Variants in IFNAR1 observed in about 807,000 individuals in gnomAD.
The protein encoded by IFNAR1 is interferon alpha and beta receptor subunit 1.
IFNAR1 carries 47 observed loss-of-function variants against 62.1 expected under a neutral mutation model. The observed-to-expected ratio is 0.76, with a 90% CI of 0.60 to 0.97. The LOEUF (loss-of-function observed/expected upper bound fraction) is 0.97. Ranked by LOEUF, IFNAR1 falls within the 50% of genes least tolerant of loss-of-function variation. The pLI, the probability that IFNAR1 is intolerant of heterozygous loss-of-function variation, is 0.00. For synonymous variants in IFNAR1, 219 were observed against 226.9 expected (o/e 0.97, Z 0.31); for missense variants, 638 against 654.5 (o/e 0.97, Z 0.27).
intron 6 of IFNAR1, among the ~76,000 whole-genome samples, chr21:33,348,225 G>A (rs1302065896): frequency 1.3e-5 from 2 of 152,130 alleles, no homozygotes; most frequent in Admixed American, 6.5e-5. Flanking sequence ...GTATGCTGGC[G>A]CATGTTTAGC....
chr21:33,333,542 A>G (rs1601854402), intron 1 of IFNAR1, among the ~76,000 whole-genome samples: 1 of 152,254 alleles, frequency 6.6e-6, no homozygotes, highest in South Asian at 2.1e-4. Flanking sequence ...TGACAAATGT[A>G]AGGGCTCAAA....
chr21:33,358,914 A>G lies in IFNAR1; in HGVS notation c.*3365A>G, dbSNP rs1310379357. On this transcript the variant is annotated 3_prime_UTR_variant, in exon 11 of 11. Coordinates refer to ENST00000270139, the MANE Select transcript of IFNAR1 (RefSeq NM_000629.3). ...GGCCGTGATATTTGCAGCAGCCTCAAATTGCTCTTAAGGGGTTTAGGTGTG... is the reference window on the plus strand; with the variant it reads ...GGCCGTGATATTTGCAGCAGCCTCAGATTGCTCTTAAGGGGTTTAGGTGTG... The G allele has an allele frequency of 6.6e-6, 1 of 151,864 alleles. No homozygotes were observed. The highest frequency in any genetic ancestry group is 2.1e-4 in the South Asian group (1 of 4,816). The allele number at this position is 151,864 out of a possible 1,614,324, so 9.4% of individuals were successfully genotyped here. A position where few individuals can be genotyped will look rare whatever the true frequency, so the allele number is the denominator to read the frequency against.
At chr21:33,354,434 G>A (rs1311669289) in intron 10 of IFNAR1, among the ~76,000 whole-genome samples, 6 of 152,190 alleles carry the variant, frequency 3.9e-5, no homozygotes, top group Non-Finnish European at 8.8e-5. Flanking sequence ...TTGTCAGAAC[G>A]TAATTCCATT....
intron 1 of IFNAR1, among the ~76,000 whole-genome samples, chr21:33,329,741 C>T (rs1193289503): frequency 6.6e-6 from 1 of 152,130 alleles, no homozygotes; most frequent in Non-Finnish European, 1.5e-5. Context: ...TAAGGAGTTC[C>T]TGTGAATGCA....
At chr21:33,334,735 G>A in intron 1 of IFNAR1, 1 of 795,518 alleles carries the variant, frequency 1.3e-6, no homozygotes, top group Non-Finnish European at 2.2e-6. Flanking sequence ...TGATGCGCAG[G>A]GTGATCCAGG....
chr21:33,345,438 G>T, intron 6 of IFNAR1, 78 bp downstream of exon 6: 1 of 792,698 alleles, frequency 1.3e-6, no homozygotes, highest in Non-Finnish European at 2.2e-6. Context: ...CAGTCACCAG[G>T]TCCTTGCACA....
intron 1 of IFNAR1, among the ~76,000 whole-genome samples, chr21:33,332,823 A>G (rs1226061978): frequency 6.6e-6 from 1 of 152,256 alleles, no homozygotes; most frequent in East Asian, 1.9e-4. Context: ...ACTTAATTGT[A>G]GAAAAAACAA....
intron 10 of IFNAR1, 65 bp downstream of exon 10, chr21:33,353,848 A>T (rs1461058737): frequency 1.8e-6 from 2 of 1,085,416 alleles, no homozygotes; most frequent in Middle Eastern, 2.2e-4. Context: ...GTTTGATTTC[A>T]ACAGGATATA....
intron 1 of IFNAR1, among the ~76,000 whole-genome samples, chr21:33,333,697 C>T (rs942027833): frequency 8.8e-4 from 128 of 145,848 alleles, no homozygotes; most frequent in African/African-American, 3.2e-3. Flanking sequence ...GATCTCGGCT[C>T]ACTGCAAGCT....
At chr21:33,336,471 T>C (rs897209944) in intron 2 of IFNAR1, among the ~76,000 whole-genome samples, 4 of 149,308 alleles carry the variant, frequency 2.7e-5, no homozygotes, top group Non-Finnish European at 4.4e-5. Context: ...ATGGTATTTC[T>C]AGTTCTAGAT....
chr21:33,344,162 A>G (rs1361411772), intron 5 of IFNAR1, among the ~76,000 whole-genome samples: 3 of 87,284 alleles, frequency 3.4e-5, no homozygotes, highest in Non-Finnish European at 5.6e-5. Flanking sequence ...TCCGTCTTAG[A>G]AAAAAAAAAA....
In IFNAR1 at chr21:33,353,626, A is replaced by AT. The variant is rs1187776454; in HGVS notation, c.1295-11dup. 6.8e-7 allele frequency: 1 copy of AT among 1,481,030 alleles called. No individual in the cohort carries two copies. The highest frequency in any genetic ancestry group is 1.2e-5 in the South Asian group (1 of 81,448). The allele number at this position is 1,481,030 out of a possible 1,614,324, so 91.7% of individuals were successfully genotyped here. A position where few individuals can be genotyped will look rare whatever the true frequency, so the allele number is the denominator to read the frequency against. On this transcript the variant is annotated splice_polypyrimidine_tract_variant and intron_variant, in intron 9 of 10. Transcript: ENST00000270139. ...TCAAAATATATGCTAAATATCACGT[A>AT]TATCTTTTTAGGAAATACCTCTAAA... is the stretch of plus-strand genomic sequence containing the variant.
At chr21:33,345,000 C>T (rs545985658) in intron 5 of IFNAR1, among the ~76,000 whole-genome samples, 31 of 152,034 alleles carry the variant, frequency 2.0e-4, no homozygotes, top group African/African-American at 4.3e-4. Flanking sequence ...GTTGGCCAGG[C>T]GCGTCTCGAA....
chr21:33,346,158 A>G (rs960005720), intron 6 of IFNAR1, among the ~76,000 whole-genome samples: 2 of 152,346 alleles, frequency 1.3e-5, no homozygotes, highest in African/African-American at 4.8e-5. Context: ...TTGATTGGAA[A>G]ATTGTAGGAG....
chr21:33,338,911 T>C (rs1194903500), intron 2 of IFNAR1, among the ~76,000 whole-genome samples: 3 of 151,782 alleles, frequency 2.0e-5, no homozygotes, highest in African/African-American at 7.3e-5. Context: ...CCCGGCTAAT[T>C]TTGTATTTTT....
rs1323504987 is a variant in IFNAR1, at chr21:33,356,991, C to T, written c.*1442C>T. 2 of 152,104 alleles carry T rather than the reference C, an allele frequency of 1.3e-5. No individual in the cohort carries two copies. Among genetic ancestry groups the T allele is most frequent in the African/African-American group, 4.8e-5 (2 of 41,402 alleles). 9.4% of individuals were successfully genotyped at this position (152,104 alleles called of 1,614,324 possible). ...TGGCGTTAAAATACAAATCATTGAACTGAGGGGGAAAAATGTAACTAGGAA... is the reference window on the plus strand; with the variant it reads ...TGGCGTTAAAATACAAATCATTGAATTGAGGGGGAAAAATGTAACTAGGAA... On this transcript the variant is annotated 3_prime_UTR_variant, in exon 11 of 11. Transcript: ENST00000270139.
rs1429207214 is a variant in IFNAR1, at chr21:33,356,563, T to G, written c.*1014T>G. The G allele has an allele frequency of 6.6e-6, 1 of 152,218 alleles. No homozygotes were observed. Among genetic ancestry groups the G allele is most frequent in the Non-Finnish European group, 1.5e-5 (1 of 68,034 alleles). 9.4% of individuals were successfully genotyped at this position (152,218 alleles called of 1,614,324 possible). ...ATCTTTTACTATGCATTAAGACCTCTGATTCAAAACTTATTAGAACAGTAG... is the reference window on the plus strand; with the variant it reads ...ATCTTTTACTATGCATTAAGACCTCGGATTCAAAACTTATTAGAACAGTAG... On this transcript the variant is annotated 3_prime_UTR_variant, in exon 11 of 11. Coordinates refer to ENST00000270139, the MANE Select transcript of IFNAR1 (RefSeq NM_000629.3).
intron 1 of IFNAR1, among the ~76,000 whole-genome samples, chr21:33,333,292 G>A (rs1006219562): frequency 6.6e-6 from 1 of 152,198 alleles, no homozygotes; most frequent in Non-Finnish European, 1.5e-5. Context: ...CAAAAACTGA[G>A]GGAATTCATC....
intron 1 of IFNAR1, among the ~76,000 whole-genome samples, chr21:33,325,904 A>G (rs2083122173): frequency 6.6e-6 from 1 of 152,280 alleles, no homozygotes; most frequent in African/African-American, 2.4e-5. Flanking sequence ...TGTAATTGAC[A>G]TGGTCAGTGT....
Sources: allele counts gnomAD v4.1 joint callset (sites outside exome capture counted in the v4.1 genomes callset), GRCh38; gene constraint gnomAD v4.1.1; transcripts MANE v1.5; gene names NCBI Gene and HGNC (gene_info 2026-07-23, HGNC 2026-07-21).